Variants in PEDS1 observed in about 807,000 individuals in gnomAD.
PEDS1 encodes the protein CarF homolog.
In PEDS1, 14 loss-of-function variants were observed where a neutral mutation model predicts 35.2. The ratio of observed to expected loss-of-function variants is 0.40; its 90% CI spans 0.26 to 0.62. The LOEUF (loss-of-function observed/expected upper bound fraction) is 0.62, where lower values mean the gene tolerates loss of function less well. Among genes scored for constraint, PEDS1 ranks in the 20% least tolerant of loss-of-function variants. The pLI is 0.44. For missense variants in PEDS1, 260 were observed against 367.8 expected (o/e 0.71, Z 2.40); for synonymous variants, 152 against 152.0 (o/e 1.00, Z 0.00).
rs913222128 is a variant in PEDS1, at chr20:50,120,614, C to A, written c.*4444G>T. 2.0e-5 allele frequency: 3 copies of A among 151,904 alleles called. No individual in the cohort carries two copies. The highest frequency in any genetic ancestry group is 7.3e-5 in the African/African-American group (3 of 41,314). 9.4% of individuals were successfully genotyped at this position (151,904 alleles called of 1,614,324 possible). On this transcript the variant is annotated 3_prime_UTR_variant, in exon 6 of 6. Coordinates refer to ENST00000371652, the MANE Select transcript of PEDS1 (RefSeq NM_199129.4). ...CTTAGGAAGGCTGAGGTGGGCCGAT[C>A]GCTTGAGCTCAGGCGTTCGAGACCA...
chr20:50,126,975 G>C (rs2081113242), intron 5 of PEDS1, among the ~76,000 whole-genome samples: 1 of 151,896 alleles, frequency 6.6e-6, no homozygotes, highest in African/African-American at 2.4e-5. Context: ...CCACTGCTCT[G>C]CCCGCTTCTC....
chr20:50,144,537 G>A (rs1346539608), intron 1 of PEDS1, among the ~76,000 whole-genome samples: 1 of 152,222 alleles, frequency 6.6e-6, no homozygotes, highest in South Asian at 2.1e-4. Context: ...GTCAGGCTTT[G>A]GGTGTGCAAT....
intron 5 of PEDS1, among the ~76,000 whole-genome samples, chr20:50,125,580 CT>C (rs1464124419): frequency 7.5e-6 from 1 of 133,742 alleles, no homozygotes; most frequent in African/African-American, 2.8e-5. Context: ...ATCTATCTAT[CT>C]ATCTATCTAT....
intron 5 of PEDS1, among the ~76,000 whole-genome samples, chr20:50,126,309 G>A (rs112640426): frequency 6.6e-6 from 1 of 152,214 alleles, no homozygotes; most frequent in East Asian, 1.9e-4. Context: ...CTGAGGCTTA[G>A]AGAAGAGTTT....
Position 50,129,476 on chromosome 20 carries a change from A to G in PEDS1, c.478+70T>C, listed in dbSNP as rs982838098. The G allele has an allele frequency of 3.2e-5, 51 of 1,598,108 alleles. No homozygotes were observed. The highest frequency in any genetic ancestry group is 1.7e-4 in the Middle Eastern group (1 of 5,886). On this transcript the variant is annotated intron_variant, in intron 4 of 5. Coordinates refer to ENST00000371652, the MANE Select transcript of PEDS1 (RefSeq NM_199129.4). This position sits in a 1 kb window ranked among gnomAD's most constrained non-coding sequence, Gnocchi z 4.2. ...ATAAGGAGCCAAACACATAAGCCCC[A>G]GAAGGCTCCTGGGGGTCGGCCTCTG...
intron 2 of PEDS1, among the ~76,000 whole-genome samples, chr20:50,141,838 T>C (rs1485585162): frequency 6.6e-6 from 1 of 152,146 alleles, no homozygotes; most frequent in Non-Finnish European, 1.5e-5. Flanking sequence ...CCCCAGCATA[T>C]ACCAACCCCA....
At chr20:50,136,930 C>T (rs983152194) in intron 2 of PEDS1, among the ~76,000 whole-genome samples, 4 of 151,574 alleles carry the variant, frequency 2.6e-5, no homozygotes, top group African/African-American at 9.7e-5. Flanking sequence ...CTACTGGAGG[C>T]TGAAGTGGGA....
intron 2 of PEDS1, among the ~76,000 whole-genome samples, chr20:50,134,181 G>A (rs1164434807): frequency 6.6e-6 from 1 of 152,220 alleles, no homozygotes; most frequent in Non-Finnish European, 1.5e-5. Flanking sequence ...GGTCAACTGA[G>A]GTATCTCGAG....
chr20:50,151,181 A>G, intron 1 of PEDS1: 1 of 1,230,222 alleles, frequency 8.1e-7, no homozygotes, highest in South Asian at 1.3e-5. Flanking sequence ...AGGAAGTTGG[A>G]GAAACCAGTT....
chr20:50,143,101 CG>C (rs2081311153), intron 2 of PEDS1, among the ~76,000 whole-genome samples: 1 of 151,906 alleles, frequency 6.6e-6, no homozygotes, highest in Non-Finnish European at 1.5e-5. Context: ...GGAGACTGGA[CG>C]GTGCAGGGCA....
At chr20:50,130,547 G>A (rs149191261) in intron 3 of PEDS1, among the ~76,000 whole-genome samples, 4 of 152,278 alleles carry the variant, frequency 2.6e-5, no homozygotes, top group African/African-American at 9.6e-5. Flanking sequence ...ACTAATACAG[G>A]ATAAAATGCA....
chr20:50,133,994 T>G (rs1376669480), intron 2 of PEDS1, among the ~76,000 whole-genome samples: 1 of 152,332 alleles, frequency 6.6e-6, no homozygotes. Context: ...GAGCTCCTAC[T>G]GCATACTTTG....
Position 50,119,371 on chromosome 20 carries a change from G to A in PEDS1, c.*5687C>T, listed in dbSNP as rs2081032626. The A allele has an allele frequency of 6.6e-6, 1 of 151,442 alleles. No individual in the cohort carries two copies. Among genetic ancestry groups the A allele is most frequent in the South Asian group, 2.1e-4 (1 of 4,794 alleles). 9.4% of individuals were successfully genotyped at this position (151,442 alleles called of 1,614,324 possible). Reference sequence around the variant, plus strand: ...GGATAGCTTGAGCCCAGGAGGCAGAGGCTGTAGTGAGCTGGGATTGCACCA... The same window carrying A: ...GGATAGCTTGAGCCCAGGAGGCAGAAGCTGTAGTGAGCTGGGATTGCACCA... On this transcript the variant is annotated 3_prime_UTR_variant, in exon 6 of 6. Transcript: ENST00000371652.
intron 2 of PEDS1, among the ~76,000 whole-genome samples, chr20:50,134,825 C>A (rs1601217499): frequency 6.6e-6 from 1 of 152,298 alleles, no homozygotes; most frequent in South Asian, 2.1e-4. Flanking sequence ...GTCTGACCAA[C>A]CCCCAGGTTA....
At chr20:50,151,807 C>T (rs1258333511) in intron 1 of PEDS1, among the ~76,000 whole-genome samples, 1 of 151,948 alleles carries the variant, frequency 6.6e-6, no homozygotes, top group Admixed American at 6.6e-5. Flanking sequence ...TGCAGTGAGC[C>T]GAGATCACGC....
intron 5 of PEDS1, among the ~76,000 whole-genome samples, chr20:50,125,544 TTATCTATCTATCTATC>T (rs57011944): frequency 0.079 from 11,681 of 147,454 alleles, 480 homozygotes; most frequent in Middle Eastern, 0.12. Flanking sequence ...ACATTACCCT[TTATCTATCTATCTATC>T]TATCTATCTA....
At chr20:50,141,850 C>G (rs1215194979) in intron 2 of PEDS1, among the ~76,000 whole-genome samples, 3 of 152,174 alleles carry the variant, frequency 2.0e-5, no homozygotes, top group Non-Finnish European at 4.4e-5. Flanking sequence ...CCAACCCCAC[C>G]CCAGACCCAG....
chr20:50,133,787 G>A (rs1420749315), intron 2 of PEDS1, among the ~76,000 whole-genome samples: 1 of 152,182 alleles, frequency 6.6e-6, no homozygotes, highest in Non-Finnish European at 1.5e-5. Flanking sequence ...CATGGCACTT[G>A]TCATCCCCTG....
At chr20:50,150,493 T>C (rs1233540264) in intron 1 of PEDS1, among the ~76,000 whole-genome samples, 3 of 152,066 alleles carry the variant, frequency 2.0e-5, no homozygotes, top group Non-Finnish European at 4.4e-5. Context: ...CTTCCTCCCT[T>C]CAGGCCTCAC....
Sources: gnomAD v4.1 joint callset for allele counts (sites outside exome capture counted in the v4.1 genomes callset) on GRCh38, gnomAD v4.1.1 for gene constraint, Gnocchi (gnomAD v3.1) non-coding constraint, MANE v1.5 for transcripts, NCBI Gene and HGNC (gene_info 2026-07-23, HGNC 2026-07-21) for gene names.